CLCN4: variants seen among roughly 807,000 people sequenced by gnomAD.
CLCN4 encodes the protein H(+)/Cl(-) exchange transporter 4.
A neutral mutation model predicts 41.7 loss-of-function variants in CLCN4; 1 was observed. That is an observed-to-expected ratio of 0.02 (90% CI 0.01 to 0.11). The LOEUF (loss-of-function observed/expected upper bound fraction) is 0.11. Among genes scored for constraint, CLCN4 ranks in the 10% least tolerant of loss-of-function variants. CLCN4 has a pLI of 1.00. For synonymous variants in CLCN4, 277 were observed against 285.8 expected, an observed-to-expected ratio of 0.97 and a Z score of 0.31; for missense variants, 287 against 661.0, an observed-to-expected ratio of 0.43 and a Z score of 6.20.
intron 2 of CLCN4, among the ~76,000 whole-genome samples, chrX:10,159,131 TA>T (rs1272949297): frequency 1.0e-5 from 1 of 97,228 alleles, no homozygotes; most frequent in African/African-American, 4.1e-5. Flanking sequence ...GTCAGAAACG[TA>T]TTTTTTTTTT....
intron 8 of CLCN4, among the ~76,000 whole-genome samples, chrX:10,207,548 A>G (rs770770234): frequency 8.9e-6 from 1 of 112,017 alleles, no homozygotes; most frequent in African/African-American, 3.2e-5. Flanking sequence ...TTTGAATTTT[A>G]TGGTTTTCAC....
chrX:10,233,140 A>G (rs1925165228), intron 12 of CLCN4, among the ~76,000 whole-genome samples: 1 of 112,005 alleles, frequency 8.9e-6, no homozygotes, highest in Admixed American at 9.5e-5. Context: ...ATAAAGGTTT[A>G]TTTTTCTCAC....
chrX:10,202,153 G>A (rs189232106), intron 6 of CLCN4, among the ~76,000 whole-genome samples: 15 of 111,231 alleles, frequency 1.3e-4, no homozygotes, highest in African/African-American at 4.9e-4. Context: ...CCTGGGCAAT[G>A]TAGTGAGACC....
chrX:10,214,820 C>T (rs760923398), intron 11 of CLCN4, among the ~76,000 whole-genome samples: 7 of 111,465 alleles, frequency 6.3e-5, no homozygotes, highest in Non-Finnish European at 1.1e-4. Context: ...CCCCATCAGC[C>T]GAGGGATGGC....
intron 2 of CLCN4, among the ~76,000 whole-genome samples, chrX:10,160,748 A>G (rs5979268): frequency 0.17 from 19,332 of 110,899 alleles, 1,954 homozygotes; most frequent in East Asian, 0.84. Flanking sequence ...TTGGGCAGAC[A>G]TGGTCGCATG....
At chrX:10,231,590 C>T (rs1925128274) in intron 12 of CLCN4, among the ~76,000 whole-genome samples, 1 of 111,468 alleles carries the variant, frequency 9.0e-6, no homozygotes, top group Non-Finnish European at 1.9e-5. Context: ...GCAAAGATTT[C>T]CTTTGAAGAG....
chrX:10,215,398 C>A (rs781522576), intron 11 of CLCN4, among the ~76,000 whole-genome samples: 2 of 112,170 alleles, frequency 1.8e-5, no homozygotes, highest in African/African-American at 6.5e-5. Context: ...TTTTACCTCC[C>A]CCAAAGTAAA....
Position 10,212,629 on chromosome X carries a change from A to G in CLCN4, c.1552A>G (p.Met518Val), listed in dbSNP as rs1924590010. The change falls in exon 10 of 13, where the codon ATG becomes GTG. Residue 518 changes from methionine (M) to valine (V), a missense_variant. Physicochemically the swap from Met to Val is conservative, Grantham distance 21. This residue lies in a region of CLCN4 where 94 missense variants were observed against 177.9 expected (regional missense o/e 0.53). Coordinates refer to ENST00000380833, the MANE Select transcript of CLCN4 (RefSeq NM_001830.4). ...CTGTGTCACGCCAGGGCTGTACGCA[A>G]TGGTGGGAGCTGCGGCCTGCCTCGG... ...ADCVTPGLYA[M>V]VGAAACLGGV... is the part of the protein sequence containing the mutation. 1 of 1,181,199 alleles carries G rather than the reference A, an allele frequency of 8.5e-7. No homozygotes were observed. Among genetic ancestry groups the G allele is most frequent in the Non-Finnish European group, 1.1e-6 (1 of 877,091 alleles).
intron 12 of CLCN4, among the ~76,000 whole-genome samples, chrX:10,221,452 G>C (rs1924859495): frequency 9.0e-6 from 1 of 111,374 alleles, no homozygotes; most frequent in South Asian, 3.8e-4. Flanking sequence ...CTTGAGCCCA[G>C]GAGTTCGAGA....
At chrX:10,230,441 T>C (rs1052285874) in intron 12 of CLCN4, among the ~76,000 whole-genome samples, 4 of 112,167 alleles carry the variant, frequency 3.6e-5, no homozygotes, top group African/African-American at 1.3e-4. Context: ...GTATCTCTGG[T>C]TGATTGATTG....
rs1303549494 is a variant in CLCN4 at position 10,215,282 on chromosome X, A to G, written c.1975+1203A>G. 3.6e-5 allele frequency among the ~76,000 whole-genome samples: 4 copies of G among 111,827 alleles called. No individual in the cohort carries two copies. The East Asian group carries it at 1.1e-3, about 31-fold the overall frequency. On this transcript the variant is annotated intron_variant, in intron 11 of 12. Transcript: ENST00000380833. Reference sequence around the variant, plus strand: ...AGGCACCTCCCTTAAACCTCTTCCCAGTGTTACATAGCTTTAAAATATCTT... The same window carrying G: ...AGGCACCTCCCTTAAACCTCTTCCCGGTGTTACATAGCTTTAAAATATCTT...
At chrX:10,180,354 C>A (rs1038890924) in intron 2 of CLCN4, among the ~76,000 whole-genome samples, 1 of 111,686 alleles carries the variant, frequency 9.0e-6, no homozygotes, top group South Asian at 3.8e-4. Flanking sequence ...CAATGAACAG[C>A]AAGTGGCAAA....
chrX:10,199,751 T>C (rs1168141302), intron 6 of CLCN4, among the ~76,000 whole-genome samples: 1 of 111,972 alleles, frequency 8.9e-6, no homozygotes, highest in Non-Finnish European at 1.9e-5. Context: ...CCTTTTCTTT[T>C]TCTTTCTTTC....
intron 2 of CLCN4, among the ~76,000 whole-genome samples, chrX:10,183,047 C>T (rs1923725365): frequency 8.9e-6 from 1 of 111,864 alleles, no homozygotes. Flanking sequence ...GGGTCAACAG[C>T]CTGTCGTCTT....
At chrX:10,168,669 C>T (rs916403322) in intron 2 of CLCN4, among the ~76,000 whole-genome samples, 1 of 111,213 alleles carries the variant, frequency 9.0e-6, no homozygotes, top group Non-Finnish European at 1.9e-5. Flanking sequence ...AAAAGGTAAG[C>T]GTGCAGCTTG....
intron 11 of CLCN4, among the ~76,000 whole-genome samples, chrX:10,216,897 G>GTGTATATATATATATATATATATATATA (rs1411470927): frequency 9.6e-5 from 2 of 20,829 alleles, no homozygotes; most frequent in Admixed American, 5.8e-4. Flanking sequence ...GTGTGTGTGT[G>GTGTATATATATATATATATATATATATA]TATATATATA....
At chrX:10,218,959 C>T (rs761435713) in intron 11 of CLCN4, among the ~76,000 whole-genome samples, 7 of 112,218 alleles carry the variant, frequency 6.2e-5, no homozygotes, top group African/African-American at 2.3e-4. Context: ...ATTTAGTAGA[C>T]CTACTCATCC....
At chrX:10,179,553 ATCCCCCAGAAGG>A (rs924615331) in intron 2 of CLCN4, among the ~76,000 whole-genome samples, 2 of 111,075 alleles carry the variant, frequency 1.8e-5, no homozygotes, top group African/African-American at 3.3e-5. Flanking sequence ...GGTAAGTGGA[ATCCCCCAGAAGG>A]TCCCCCAGAA....
At chrX:10,166,861 T>C (rs1923262598) in intron 2 of CLCN4, among the ~76,000 whole-genome samples, 2 of 111,673 alleles carry the variant, frequency 1.8e-5, no homozygotes, top group South Asian at 3.8e-4. Flanking sequence ...ACTGAGGCCA[T>C]TGTGTCACCC....
Sources: gnomAD v4.1 joint callset for allele counts (sites outside exome capture counted in the v4.1 genomes callset) on GRCh38, gnomAD v4.1.1 for gene constraint, gnomAD v4.1.1 regional missense constraint, MANE v1.5 for transcripts, NCBI Gene and HGNC (gene_info 2026-07-23, HGNC 2026-07-21) for gene names.